SORCS2: variants seen among roughly 807,000 people sequenced by gnomAD.
The protein encoded by SORCS2 is VPS10 domain-containing receptor SorCS2.
SORCS2 carries 100 observed loss-of-function variants against 141.6 expected under a neutral mutation model. That is an observed-to-expected ratio of 0.71 (90% confidence interval 0.60 to 0.83). SORCS2 has a LOEUF of 0.83. SORCS2 is among the 40% of genes least tolerant of loss of function. The pLI is 0.00. For missense variants in SORCS2, 1,646 were observed against 1,560.2 expected (o/e 1.05, Z -0.93); for synonymous variants, 789 against 676.9 (o/e 1.17, Z -2.57).
intron 2 of SORCS2, among the ~76,000 whole-genome samples, chr4:7,510,785 C>A (rs1477991375): frequency 6.7e-6 from 1 of 149,640 alleles, no homozygotes; most frequent in Non-Finnish European, 1.5e-5. Context: ...GCTTGCGCAT[C>A]CAGGTCTCTG....
chr4:7,648,709 C>T lies in SORCS2; in HGVS notation c.814-5425C>T, dbSNP rs1006149459. Among the ~76,000 whole-genome samples the T allele has an allele frequency of 6.6e-6, 1 of 151,970 alleles. No individual in the cohort carries two copies. Among genetic ancestry groups the T allele is most frequent in the Non-Finnish European group, 1.5e-5 (1 of 67,984 alleles). ...ATGGTTGGAGAGCTCAGAATGTGAG[C>T]TTGGACCTGCCATGGTGGAGGAAGA... On this transcript the variant is annotated intron_variant, in intron 4 of 26. Transcript: ENST00000507866. This position sits in a 1 kb window ranked among gnomAD's most constrained non-coding sequence, Gnocchi z 4.2.
intron 25 of SORCS2, among the ~76,000 whole-genome samples, chr4:7,734,788 C>G (rs1018896679): frequency 1.3e-5 from 2 of 152,212 alleles, no homozygotes; most frequent in African/African-American, 4.8e-5. Context: ...CCGCCCACAT[C>G]CCAGGGTTCC....
At chr4:7,345,156 A>G (rs1197042486) in intron 1 of SORCS2, among the ~76,000 whole-genome samples, 1 of 152,164 alleles carries the variant, frequency 6.6e-6, no homozygotes, top group East Asian at 1.9e-4. Flanking sequence ...TTCAAAGCAA[A>G]ACTTTGGAGC....
At chr4:7,352,293 T>C (rs1720989923) in intron 1 of SORCS2, among the ~76,000 whole-genome samples, 1 of 152,226 alleles carries the variant, frequency 6.6e-6, no homozygotes, top group African/African-American at 2.4e-5. Context: ...ATTGTAGGTT[T>C]CCAACACATT....
chr4:7,412,287 T>A (rs73796555), intron 2 of SORCS2, among the ~76,000 whole-genome samples: 1 of 152,020 alleles, frequency 6.6e-6, no homozygotes, highest in Admixed American at 6.5e-5. Context: ...CCCCCTGGAG[T>A]TAGTTCTCAG....
chr4:7,270,513 C>T (rs909588599), intron 1 of SORCS2, among the ~76,000 whole-genome samples: 2 of 152,164 alleles, frequency 1.3e-5, no homozygotes, highest in African/African-American at 4.8e-5. Flanking sequence ...TGGGATCTGG[C>T]CCCGCAGCTA....
At chr4:7,713,965 C>T (rs550843445) in intron 15 of SORCS2, among the ~76,000 whole-genome samples, 1 of 152,334 alleles carries the variant, frequency 6.6e-6, no homozygotes, top group East Asian at 1.9e-4. Flanking sequence ...CGAGGGGAAC[C>T]TCAAAAGGGC....
At chr4:7,354,698 G>A (rs949915019) in intron 1 of SORCS2, among the ~76,000 whole-genome samples, 3 of 152,178 alleles carry the variant, frequency 2.0e-5, no homozygotes, top group Non-Finnish European at 4.4e-5. Context: ...GTGGAAAAGT[G>A]AGAGAGAGAA....
chr4:7,690,744 T>C (rs998492620), intron 11 of SORCS2, among the ~76,000 whole-genome samples: 2 of 152,150 alleles, frequency 1.3e-5, no homozygotes, highest in African/African-American at 4.8e-5. Flanking sequence ...GGATGGATGA[T>C]TTATATCATG....
intron 1 of SORCS2, among the ~76,000 whole-genome samples, chr4:7,342,855 G>A (rs770907633): frequency 2.3e-4 from 35 of 152,296 alleles, no homozygotes; most frequent in Admixed American, 7.2e-4. Flanking sequence ...GATCTCTTCC[G>A]TTGTAAATTT....
chr4:7,609,297 C>G (rs1175009676), intron 3 of SORCS2, among the ~76,000 whole-genome samples: 1 of 152,172 alleles, frequency 6.6e-6, no homozygotes, highest in African/African-American at 2.4e-5. Context: ...CAGTGCCTTA[C>G]ATACAGTAAA....
chr4:7,404,978 A>G (rs1577508948), intron 2 of SORCS2, among the ~76,000 whole-genome samples: 1 of 152,138 alleles, frequency 6.6e-6, no homozygotes, highest in Admixed American at 6.5e-5. Flanking sequence ...TAGCATTTTT[A>G]TAGTTTTGGG....
intron 1 of SORCS2, among the ~76,000 whole-genome samples, chr4:7,342,250 T>C (rs1720409590): frequency 1.3e-5 from 2 of 152,158 alleles, no homozygotes; most frequent in South Asian, 4.1e-4. Flanking sequence ...TGGACATGGG[T>C]CTGCCTCCTC....
chr4:7,693,768 G>T (rs1415171084), intron 11 of SORCS2, among the ~76,000 whole-genome samples: 1 of 152,266 alleles, frequency 6.6e-6, no homozygotes, highest in Admixed American at 6.5e-5. Context: ...CCAGTTGCAG[G>T]CCCAGCCCTC....
intron 15 of SORCS2, 59 bp from the exon 16 acceptor site, chr4:7,714,181 G>A (rs1726027528): frequency 6.4e-7 from 1 of 1,565,172 alleles, no homozygotes; most frequent in Non-Finnish European, 8.7e-7. Context: ...GCGGCACAAG[G>A]CCTTGTAGAG....
In SORCS2 at chr4:7,651,935, T is replaced by G. The variant is rs190985912; in HGVS notation, c.814-2199T>G. Reference sequence around the variant, plus strand: ...GTGTGCTTTGGTGACCTTCATCGGTTTAGGGGCTGCTTCAGGGAAGAAAGG... The same window carrying G: ...GTGTGCTTTGGTGACCTTCATCGGTGTAGGGGCTGCTTCAGGGAAGAAAGG... On this transcript the variant is annotated intron_variant, in intron 4 of 26. Coordinates refer to ENST00000507866, the MANE Select transcript of SORCS2 (RefSeq NM_020777.3). Among the ~76,000 whole-genome samples the G allele has an allele frequency of 4.6e-5, 7 of 152,278 alleles. No individual in the cohort carries two copies. The East Asian group carries it at 1.4e-3, about 29-fold the overall frequency.
At chr4:7,737,356 G>A (rs1206216922) in intron 26 of SORCS2, 184 bp downstream of exon 26, 24 of 787,960 alleles carry the variant, frequency 3.0e-5, no homozygotes, top group Admixed American at 3.0e-5. Context: ...AGGGGATGAC[G>A]GGACCTGACA....
At chr4:7,576,282 A>G (rs73794305) in intron 3 of SORCS2, among the ~76,000 whole-genome samples, 2,069 of 152,338 alleles carry the variant, frequency 0.014, 43 homozygotes, top group African/African-American at 0.047. Flanking sequence ...TGTAAAGTCA[A>G]AAGTCAGTAG....
intron 26 of SORCS2, among the ~76,000 whole-genome samples, chr4:7,738,372 G>A (rs918570951): frequency 1.3e-5 from 2 of 152,234 alleles, no homozygotes; most frequent in Admixed American, 1.3e-4. Context: ...CTAGAGCTGA[G>A]GACATGGAAG....
Sources: gnomAD v4.1 joint callset for allele counts (sites outside exome capture counted in the v4.1 genomes callset) on GRCh38, gnomAD v4.1.1 for gene constraint, Gnocchi (gnomAD v3.1) non-coding constraint, MANE v1.5 for transcripts, NCBI Gene and HGNC (gene_info 2026-07-23, HGNC 2026-07-21) for gene names.